AGBL2: variants seen among roughly 807,000 people sequenced by gnomAD.
AGBL2 encodes the protein AGBL carboxypeptidase 2.
A neutral mutation model predicts 103.0 loss-of-function variants in AGBL2; 87 were observed. The observed-to-expected ratio is 0.84, with a 90% CI of 0.71 to 1.01. The LOEUF (loss-of-function observed/expected upper bound fraction) is 1.01, where lower values mean the gene tolerates loss of function less well. AGBL2 is among the 50% of genes least tolerant of loss of function. The probability of loss-of-function intolerance (pLI) is 0.00; values close to 1 mark genes in which losing one functional copy is unlikely to be tolerated. For synonymous variants in AGBL2, 335 were observed against 356.7 expected (o/e 0.94, Z 0.69); for missense variants, 904 against 1,023.5 (o/e 0.88, Z 1.59).
chr11:47,690,005 C>A, intron 10 of AGBL2, 71 bp downstream of exon 10: 6 of 1,357,560 alleles, frequency 4.4e-6, no homozygotes, highest in Non-Finnish European at 6.1e-6. Context: ...ACCTCATACC[C>A]CATCAGGTAG....
chr11:47,681,882 C>G (rs2097402755), intron 12 of AGBL2, 87 bp downstream of exon 12: 2 of 1,500,748 alleles, frequency 1.3e-6, no homozygotes, highest in Non-Finnish European at 1.8e-6. Context: ...AGTTATCTCC[C>G]CAGCATTCAA....
In AGBL2 at chr11:47,690,384, G is replaced by C. The variant is rs908324766; in HGVS notation, c.1323C>G (p.Asn441Lys). Residue 441 changes from asparagine to lysine, a missense_variant, in exon 10 of 19, where the codon AAC becomes AAG. Transcript: ENST00000525123. Reference protein sequence around the residue: ...GNTVYLLTITNPSQTPQEAAA... With the variant: ...GNTVYLLTITKPSQTPQEAAA... ...CTGCCTCTTGAGGGGTCTGGGATGG[G>C]TTGGTGATGGTGAGCAAGTAAACGG... is the stretch of plus-strand genomic sequence containing the variant. 1.2e-6 allele frequency: 2 copies of C among 1,614,030 alleles called. No individual in the cohort carries two copies. Among genetic ancestry groups the C allele is most frequent in the African/African-American group, 2.7e-5 (2 of 74,922 alleles).
At position 47,680,030 on chromosome 11, in the gene AGBL2, G is replaced by A. The variant is rs776809385; in HGVS notation, c.1959C>T (p.Ser653=). 28 of 1,612,590 alleles carry A rather than the reference G, an allele frequency of 1.7e-5. No homozygotes were observed. The highest frequency in any genetic ancestry group is 2.2e-5 in the Non-Finnish European group (26 of 1,179,280). ...DTHFTIEDLK[S]LGYHVCDTLL... is the part of the protein sequence containing the mutation. ...GGGTGTCACAGACATGATAACCTAAGGACTTCAGATCTTCGATGGTAAAGT... is the reference window on the plus strand; with the variant it reads ...GGGTGTCACAGACATGATAACCTAAAGACTTCAGATCTTCGATGGTAAAGT... Residue 653 remains serine, a synonymous_variant, in exon 13 of 19, where the codon TCC becomes TCT. Coordinates refer to ENST00000525123, the MANE Select transcript of AGBL2 (RefSeq NM_024783.4).
At chr11:47,692,285 G>A in intron 8 of AGBL2, 29 bp from the exon 9 acceptor site, 2 of 1,605,458 alleles carry the variant, frequency 1.2e-6, no homozygotes, top group Non-Finnish European at 1.7e-6. Context: ...TTTAGGCTAG[G>A]TTCTACTCAG....
chr11:47,710,266 G>T, intron 4 of AGBL2, 111 bp downstream of exon 4: 1 of 1,330,428 alleles, frequency 7.5e-7, no homozygotes, highest in Non-Finnish European at 1.1e-6. Context: ...TAGAAACAGA[G>T]GCCAAGGCTG....
intron 14 of AGBL2, among the ~76,000 whole-genome samples, chr11:47,676,828 A>G (rs1386822278): frequency 6.6e-6 from 1 of 151,602 alleles, no homozygotes; most frequent in East Asian, 1.9e-4. Context: ...AAAAAAAAAA[A>G]AAAAAAGAAA....
intron 7 of AGBL2, 40 bp downstream of exon 7, chr11:47,704,500 AGTC>A (rs2097510419): frequency 1.4e-6 from 2 of 1,443,164 alleles, no homozygotes; most frequent in Admixed American, 2.2e-5. Flanking sequence ...AAAAAAAAAA[AGTC>A]AGGCAGAATA....
At chr11:47,692,835 TGA>T (rs1402927954) in intron 8 of AGBL2, among the ~76,000 whole-genome samples, 2 of 152,046 alleles carry the variant, frequency 1.3e-5, no homozygotes, top group Non-Finnish European at 2.9e-5. Context: ...TTTCTTTGTT[TGA>T]GACAGGGTCT....
intron 10 of AGBL2, 31 bp downstream of exon 10, chr11:47,690,045 C>A: frequency 6.4e-7 from 1 of 1,565,254 alleles, no homozygotes; most frequent in South Asian, 1.2e-5. Flanking sequence ...TCATAGCAGT[C>A]ACAGAAAGAT....
chr11:47,665,369 A>T (rs1029835706), intron 17 of AGBL2, among the ~76,000 whole-genome samples: 2 of 151,938 alleles, frequency 1.3e-5, no homozygotes, highest in African/African-American at 4.8e-5. Context: ...TTTTTAAAAA[A>T]AATTTTTGTA....
intron 10 of AGBL2, among the ~76,000 whole-genome samples, chr11:47,688,229 G>A (rs185096392): frequency 6.6e-6 from 1 of 152,262 alleles, no homozygotes; most frequent in East Asian, 1.9e-4. Context: ...AAAGTGCTGG[G>A]ATTACAGGCA....
intron 15 of AGBL2, among the ~76,000 whole-genome samples, chr11:47,668,579 T>C (rs1170939588): frequency 6.6e-6 from 1 of 152,168 alleles, no homozygotes; most frequent in African/African-American, 2.4e-5. Context: ...CTTATGGCAA[T>C]AATATCAGGC....
At chr11:47,702,787 T>C (rs1465078896) in intron 7 of AGBL2, among the ~76,000 whole-genome samples, 1 of 151,744 alleles carries the variant, frequency 6.6e-6, no homozygotes, top group Non-Finnish European at 1.5e-5. Context: ...GGCAGGAGAA[T>C]CGCTTGAACC....
chr11:47,680,249 A>G (rs770101247), intron 12 of AGBL2, among the ~76,000 whole-genome samples, 176 bp from the exon 13 acceptor site: 1 of 150,506 alleles, frequency 6.6e-6, no homozygotes, highest in South Asian at 2.1e-4. Flanking sequence ...CAGGAGATTG[A>G]GACCATCCTG....
At chr11:47,710,742 G>A in intron 3 of AGBL2, 1 of 585,134 alleles carries the variant, frequency 1.7e-6, no homozygotes, top group Non-Finnish European at 3.2e-6. Flanking sequence ...TTGAGAAGCA[G>A]CCTGGTGTAG....
At chr11:47,665,363 T>TA (rs1033596739) in intron 17 of AGBL2, among the ~76,000 whole-genome samples, 1 of 151,782 alleles carries the variant, frequency 6.6e-6, no homozygotes, top group African/African-American at 2.4e-5. Context: ...AGCTAATTTT[T>TA]AAAAAAAATT....
chr11:47,702,429 G>A (rs1205777758), intron 7 of AGBL2, among the ~76,000 whole-genome samples: 1 of 152,106 alleles, frequency 6.6e-6, no homozygotes. Context: ...CTATGCAATT[G>A]TCTGTTAAAA....
At chr11:47,669,183 T>C (rs2097349799) in intron 14 of AGBL2, among the ~76,000 whole-genome samples, 1 of 152,288 alleles carries the variant, frequency 6.6e-6, no homozygotes, top group South Asian at 2.1e-4. Context: ...TCCTCCCACC[T>C]CAGCCTTCTG....
intron 12 of AGBL2, among the ~76,000 whole-genome samples, chr11:47,680,786 G>GAAACAAAACAAAACA (rs56208874): frequency 0.17 from 25,177 of 147,382 alleles, 2,808 homozygotes; most frequent in East Asian, 0.34. Context: ...GGGAGACCCT[G>GAAACAAAACAAAACA]AAACAAAACA....
Sources: gnomAD v4.1 joint callset for allele counts (sites outside exome capture counted in the v4.1 genomes callset) on GRCh38, gnomAD v4.1.1 for gene constraint, MANE v1.5 for transcripts, NCBI Gene and HGNC (gene_info 2026-07-23, HGNC 2026-07-21) for gene names.